Variants in DSCAM observed in about 807,000 individuals in gnomAD.
DSCAM encodes cell adhesion molecule DSCAM.
A neutral mutation model predicts 217.7 loss-of-function variants in DSCAM; 47 were observed. The observed-to-expected ratio is 0.22, with a 90% confidence interval of 0.17 to 0.28. The LOEUF (loss-of-function observed/expected upper bound fraction) is 0.28. DSCAM is among the 10% of genes least tolerant of loss of function. The pLI is 1.00. For missense variants in DSCAM, 2,080 were observed against 2,618.3 expected, an observed-to-expected ratio of 0.79 and a Z score of 4.49; for synonymous variants, 1,056 against 1,015.3, an observed-to-expected ratio of 1.04 and a Z score of -0.76.
In DSCAM at chr21:40,445,774, T is replaced by C. The variant is rs144279265; in HGVS notation, c.509-76529A>G. On this transcript the variant is annotated intron_variant, in intron 3 of 32. Coordinates refer to ENST00000400454, the MANE Select transcript of DSCAM (RefSeq NM_001389.5). ...GAAAACCTTCACTACATAGTAACTATGGAAATTTGCAACTAAGACTATATA... is the reference window on the plus strand; with the variant it reads ...GAAAACCTTCACTACATAGTAACTACGGAAATTTGCAACTAAGACTATATA... Among the ~76,000 whole-genome samples the C allele has an allele frequency of 5.1e-4, 78 of 152,328 alleles. 2 individuals are homozygous for C. The East Asian group carries it at 0.014, about 26-fold the overall frequency.
intron 3 of DSCAM, among the ~76,000 whole-genome samples, chr21:40,578,866 G>C (rs2076879395): frequency 6.6e-6 from 1 of 152,190 alleles, no homozygotes; most frequent in African/African-American, 2.4e-5. Flanking sequence ...AGACCATAGA[G>C]TACAGTGCAG....
intron 3 of DSCAM, among the ~76,000 whole-genome samples, chr21:40,684,940 G>A (rs948361624): frequency 3.9e-5 from 6 of 152,158 alleles, no homozygotes; most frequent in African/African-American, 1.4e-4. Context: ...ACATCACGGG[G>A]AGAGAGAGAA....
intron 3 of DSCAM, among the ~76,000 whole-genome samples, chr21:40,528,245 C>T (rs540768387): frequency 6.6e-6 from 1 of 152,238 alleles, no homozygotes; most frequent in South Asian, 2.1e-4. Context: ...CCTCTTTCCT[C>T]CTCTGTGTGG....
intron 3 of DSCAM, among the ~76,000 whole-genome samples, chr21:40,670,597 T>C (rs1426594910): frequency 1.3e-5 from 2 of 152,090 alleles, no homozygotes; most frequent in Non-Finnish European, 2.9e-5. Context: ...ATAGTATTTG[T>C]CTTTTTGTGA....
intron 3 of DSCAM, among the ~76,000 whole-genome samples, chr21:40,620,081 AAAG>A (rs1440467402): frequency 2.6e-5 from 2 of 75,570 alleles, no homozygotes; most frequent in Admixed American, 1.2e-4. Context: ...GAAAGAGAAA[AAAG>A]AAAGAGAGAG....
chr21:40,361,129 T>TTA (rs535296947), intron 4 of DSCAM, among the ~76,000 whole-genome samples: 17,540 of 148,970 alleles, frequency 0.12, 1,210 homozygotes, highest in African/African-American at 0.21. Context: ...CTTCAAACTT[T>TTA]TATATATATA....
chr21:40,255,118 G>A (rs1345684853), intron 11 of DSCAM, among the ~76,000 whole-genome samples: 1 of 152,010 alleles, frequency 6.6e-6, no homozygotes. Flanking sequence ...TTGAGGAGAC[G>A]ACTCCATTTT....
intron 29 of DSCAM, 112 bp downstream of exon 29, chr21:40,055,613 C>T (rs533109503): frequency 1.4e-4 from 108 of 746,248 alleles, no homozygotes; most frequent in East Asian, 5.7e-4. Context: ...TTGGTACTCA[C>T]GTAGCCTTCA....
chr21:40,731,801 T>C (rs1392130456), intron 1 of DSCAM, among the ~76,000 whole-genome samples: 1 of 131,728 alleles, frequency 7.6e-6, no homozygotes, highest in Non-Finnish European at 1.5e-5. Flanking sequence ...CGATCTCAGC[T>C]CACTGCAACC....
chr21:40,150,705 C>T (rs2090415379), intron 16 of DSCAM, among the ~76,000 whole-genome samples: 1 of 152,164 alleles, frequency 6.6e-6, no homozygotes, highest in Non-Finnish European at 1.5e-5. Flanking sequence ...GCATAAGATC[C>T]TTAACTGGAA....
chr21:40,129,070 A>AT (rs1041523835), intron 19 of DSCAM, among the ~76,000 whole-genome samples: 5 of 151,974 alleles, frequency 3.3e-5, no homozygotes, highest in African/African-American at 1.2e-4. Flanking sequence ...AGTCAGCTTC[A>AT]TTTTTTTTCA....
chr21:40,197,249 G>A (rs1183469687), intron 11 of DSCAM, among the ~76,000 whole-genome samples: 2 of 152,118 alleles, frequency 1.3e-5, no homozygotes, highest in Non-Finnish European at 2.9e-5. Context: ...CTCCCGAGTA[G>A]CTGGGACTAC....
At chr21:40,015,371 C>G (rs929724514) in intron 32 of DSCAM, among the ~76,000 whole-genome samples, 8 of 151,994 alleles carry the variant, frequency 5.3e-5, no homozygotes, top group African/African-American at 1.7e-4. Flanking sequence ...GTTTCACTGA[C>G]ACCTTTCTCT....
At chr21:40,703,826 T>C (rs2090682996) in intron 2 of DSCAM, among the ~76,000 whole-genome samples, 1 of 152,162 alleles carries the variant, frequency 6.6e-6, no homozygotes, top group Admixed American at 6.5e-5. Context: ...TCACCATCCC[T>C]TCCCTTGGGG....
intron 3 of DSCAM, among the ~76,000 whole-genome samples, chr21:40,552,773 A>T (rs1350446657): frequency 6.6e-6 from 1 of 152,242 alleles, no homozygotes; most frequent in African/African-American, 2.4e-5. Flanking sequence ...ACCTACCTTC[A>T]TGAACTAATT....
chr21:40,636,947 C>G (rs2089769241), intron 3 of DSCAM, among the ~76,000 whole-genome samples: 1 of 149,728 alleles, frequency 6.7e-6, no homozygotes, highest in Non-Finnish European at 1.5e-5. Flanking sequence ...TTTGTCATCT[C>G]AGCACTATCT....
At chr21:40,052,431 T>A (rs1356688423) in intron 29 of DSCAM, among the ~76,000 whole-genome samples, 1 of 152,160 alleles carries the variant, frequency 6.6e-6, no homozygotes, top group Admixed American at 6.5e-5. Context: ...GATTTATGTG[T>A]TTGTCAAAAG....
At chr21:40,431,653 G>C (rs925177289) in intron 3 of DSCAM, among the ~76,000 whole-genome samples, 13 of 152,148 alleles carry the variant, frequency 8.5e-5, no homozygotes, top group African/African-American at 2.9e-4. Context: ...ATTGTAAGAG[G>C]ACAGTATCTA....
intron 1 of DSCAM, among the ~76,000 whole-genome samples, chr21:40,712,469 CAAAAA>C (rs571819417): frequency 2.9e-4 from 8 of 27,344 alleles, no homozygotes; most frequent in East Asian, 2.6e-3. Context: ...GACTCCGTCT[CAAAAA>C]AAAAAAAAAA....
Sources: allele counts gnomAD v4.1 joint callset (sites outside exome capture counted in the v4.1 genomes callset), GRCh38; gene constraint gnomAD v4.1.1; transcripts MANE v1.5; gene names NCBI Gene and HGNC (gene_info 2026-07-23, HGNC 2026-07-21).